Variants in TRAPPC9 observed in about 807,000 individuals in gnomAD.
TRAPPC9 encodes the protein IKK2 binding protein.
A neutral mutation model predicts 124.0 loss-of-function variants in TRAPPC9; 83 were observed. The observed-to-expected ratio is 0.67, with a 90% CI of 0.56 to 0.80. TRAPPC9 has a LOEUF of 0.80. Among genes scored for constraint, TRAPPC9 ranks in the 30% least tolerant of loss-of-function variants. The probability of loss-of-function intolerance (pLI) is 0.00; values close to 1 mark genes in which losing one functional copy is unlikely to be tolerated. For synonymous variants in TRAPPC9, 638 were observed against 617.5 expected (o/e 1.03, Z -0.49); for missense variants, 1,302 against 1,508.3 (o/e 0.86, Z 2.27).
intron 19 of TRAPPC9, chr8:139,933,839 C>G (rs1217478432): frequency 6.6e-6 from 1 of 152,188 alleles, no homozygotes; most frequent in Admixed American, 6.5e-5. Flanking sequence ...CGTGTGAGCT[C>G]CGGTAAATTA....
intron 18 of TRAPPC9, among the ~76,000 whole-genome samples, chr8:139,998,063 G>T (rs540547253): frequency 6.6e-6 from 1 of 152,004 alleles, no homozygotes; most frequent in South Asian, 2.1e-4. Flanking sequence ...CCTACACAGG[G>T]AGACAATGCA....
At chr8:140,361,124 T>TA (rs1418308726) in intron 8 of TRAPPC9, among the ~76,000 whole-genome samples, 7 of 152,194 alleles carry the variant, frequency 4.6e-5, no homozygotes, top group African/African-American at 1.7e-4. Flanking sequence ...ATCCAAAACT[T>TA]AGACCATGAA....
chr8:140,023,911 C>A, intron 18 of TRAPPC9, 26 bp downstream of exon 18: 1 of 1,613,820 alleles, frequency 6.2e-7, no homozygotes, highest in South Asian at 1.1e-5. Flanking sequence ...TAGAACAAGA[C>A]GGCTGTGCGG....
Position 139,742,166 on chromosome 8 carries a change from C to A in TRAPPC9, c.3056-9964G>T, listed in dbSNP as rs930208903. ...GAGAGGCCTGACTGCTCCACGCCTT[C>A]TATGGCACTGTGGTTGCCTGGCTCT... On this transcript the variant is annotated intron_variant, in intron 21 of 22. Transcript: ENST00000438773. The surrounding 1 kb of genome is among the most constrained non-coding windows in gnomAD (Gnocchi z 4.7). Among the ~76,000 whole-genome samples the A allele has an allele frequency of 2.0e-5, 3 of 152,236 alleles. No homozygotes were observed. Among genetic ancestry groups the A allele is most frequent in the Non-Finnish European group, 2.9e-5 (2 of 68,042 alleles).
At position 140,275,665 on chromosome 8, in the gene TRAPPC9, G is replaced by GTAAAA. The variant is rs764345313; in HGVS notation, c.2270_2271insTTTTA (p.Thr758PhefsTer12). On this transcript the variant is annotated frameshift_variant, in exon 15 of 23. Coordinates refer to ENST00000438773, the MANE Select transcript of TRAPPC9 (RefSeq NM_001160372.4). LOFTEE classifies it high-confidence loss of function. ...GCTGCTTACAATACCTACCTTTAGTGGTGAGAACTTTCGAGGTGACCTCCA... is the reference window on the plus strand; with the variant it reads ...GCTGCTTACAATACCTACCTTTAGTGTAAAAGTGAGAACTTTCGAGGTGACCTCCA... The GTAAAA allele has an allele frequency of 1.4e-5, 22 of 1,613,962 alleles. No individual in the cohort carries two copies. The highest frequency in any genetic ancestry group is 1.9e-5 in the Non-Finnish European group (22 of 1,179,958).
chr8:139,927,136 C>A (rs1832863893), intron 19 of TRAPPC9, among the ~76,000 whole-genome samples: 1 of 152,214 alleles, frequency 6.6e-6, no homozygotes, highest in African/African-American at 2.4e-5. Flanking sequence ...ACTTGAACAG[C>A]TACAATGAAA....
intron 8 of TRAPPC9, 50 bp downstream of exon 8, chr8:140,370,914 A>G (rs754342652): frequency 2.7e-5 from 43 of 1,599,884 alleles, no homozygotes; most frequent in Non-Finnish European, 3.6e-5. Context: ...ACAGCATGTG[A>G]CCATCAGACA....
intron 17 of TRAPPC9, among the ~76,000 whole-genome samples, chr8:140,035,089 A>G (rs1840793506): frequency 6.6e-6 from 1 of 152,256 alleles, no homozygotes; most frequent in Non-Finnish European, 1.5e-5. Context: ...GATGATTTTA[A>G]TAAATGTAGT....
intron 17 of TRAPPC9, among the ~76,000 whole-genome samples, chr8:140,113,479 T>C (rs987629165): frequency 3.9e-5 from 6 of 152,122 alleles, no homozygotes; most frequent in Admixed American, 2.6e-4. Flanking sequence ...GGGTGGTGAT[T>C]TCTATGTCAA....
chr8:140,239,172 G>A (rs2063800174), intron 16 of TRAPPC9, among the ~76,000 whole-genome samples: 1 of 152,168 alleles, frequency 6.6e-6, no homozygotes, highest in Non-Finnish European at 1.5e-5. Flanking sequence ...GGGCACGGAG[G>A]GAAGCCCCAC....
intron 17 of TRAPPC9, among the ~76,000 whole-genome samples, chr8:140,060,156 T>C (rs1842514281): frequency 6.6e-6 from 1 of 152,222 alleles, no homozygotes; most frequent in African/African-American, 2.4e-5. Context: ...GATGCCTGTT[T>C]TCCAGTCCTC....
At chr8:139,740,779 C>G (rs1160625175) in intron 21 of TRAPPC9, among the ~76,000 whole-genome samples, 3 of 152,214 alleles carry the variant, frequency 2.0e-5, no homozygotes, top group Non-Finnish European at 1.5e-5. Context: ...CTGGGGCAGA[C>G]CCGTCCTTCG....
chr8:140,220,074 A>G (rs550341957), intron 17 of TRAPPC9, among the ~76,000 whole-genome samples: 35 of 152,286 alleles, frequency 2.3e-4, no homozygotes, highest in African/African-American at 8.2e-4. Context: ...AAAATCACCA[A>G]CAAAGCAGAG....
chr8:140,191,491 C>T (rs2062491412), intron 17 of TRAPPC9, among the ~76,000 whole-genome samples: 1 of 152,134 alleles, frequency 6.6e-6, no homozygotes, highest in Non-Finnish European at 1.5e-5. Flanking sequence ...CAAGTGAGTT[C>T]ACGTGAGATC....
At position 140,433,930 on chromosome 8, in the gene TRAPPC9, G is replaced by A. The variant is rs11985298; in HGVS notation, c.859+1182C>T. Among the ~76,000 whole-genome samples the A allele has an allele frequency of 5.5e-3, 841 of 152,304 alleles. 8 individuals carry two copies. The highest frequency in any genetic ancestry group is 0.041 in the Middle Eastern group (12 of 292). On this transcript the variant is annotated intron_variant, in intron 4 of 22. Transcript: ENST00000438773. Reference sequence around the variant, plus strand: ...ATGGCAGGTGGGAAACTGGCTGTCCGGAACCACTCAGACTGATTGCTGGTG... The same window carrying A: ...ATGGCAGGTGGGAAACTGGCTGTCCAGAACCACTCAGACTGATTGCTGGTG...
chr8:139,999,459 T>A (rs545099325), intron 18 of TRAPPC9, among the ~76,000 whole-genome samples: 1 of 152,218 alleles, frequency 6.6e-6, no homozygotes, highest in African/African-American at 2.4e-5. Context: ...AAAGGATGAA[T>A]GAACCAAATC....
At chr8:139,789,067 T>A (rs1366391244) in intron 21 of TRAPPC9, among the ~76,000 whole-genome samples, 1 of 152,238 alleles carries the variant, frequency 6.6e-6, no homozygotes, top group Non-Finnish European at 1.5e-5. Flanking sequence ...CACGCTCATC[T>A]AAACATCATA....
chr8:139,943,239 G>A (rs1475850028), intron 19 of TRAPPC9, among the ~76,000 whole-genome samples: 1 of 152,070 alleles, frequency 6.6e-6, no homozygotes, highest in Non-Finnish European at 1.5e-5. Flanking sequence ...GCTAATTTTT[G>A]TGTTTTTAGT....
chr8:140,264,828 C>A (rs1276891018), intron 15 of TRAPPC9, among the ~76,000 whole-genome samples: 1 of 152,154 alleles, frequency 6.6e-6, no homozygotes, highest in Non-Finnish European at 1.5e-5. Context: ...TCCTACCCCA[C>A]CCACCCTGTG....
Sources: gnomAD v4.1 joint callset for allele counts (sites outside exome capture counted in the v4.1 genomes callset) on GRCh38, gnomAD v4.1.1 for gene constraint, Gnocchi (gnomAD v3.1) non-coding constraint, MANE v1.5 for transcripts, NCBI Gene and HGNC (gene_info 2026-07-23, HGNC 2026-07-21) for gene names.